Variants in CSGALNACT1 observed in about 807,000 individuals in gnomAD.
The protein encoded by CSGALNACT1 is beta4GalNAcT-1.
CSGALNACT1 carries 52 observed loss-of-function variants against 51.0 expected under a neutral mutation model. The ratio of observed to expected loss-of-function variants is 1.02; its 90% CI spans 0.82 to 1.29. CSGALNACT1 has a LOEUF of 1.29. Ranked by LOEUF, CSGALNACT1 falls within the 50% of genes most tolerant of loss-of-function variation. The probability of loss-of-function intolerance (pLI) is 0.00; values close to 1 mark genes in which losing one functional copy is unlikely to be tolerated. For synonymous variants in CSGALNACT1, 341 were observed against 254.4 expected, an observed-to-expected ratio of 1.34 and a Z score of -3.24; for missense variants, 935 against 679.2, an observed-to-expected ratio of 1.38 and a Z score of -4.19.
At chr8:19,520,963 C>T (rs951037224) in intron 3 of CSGALNACT1, among the ~76,000 whole-genome samples, 4 of 152,174 alleles carry the variant, frequency 2.6e-5, no homozygotes, top group African/African-American at 2.4e-5. Flanking sequence ...GAGGTGCTTT[C>T]GCAGATGTGT....
chr8:19,517,479 G>A (rs190015274), intron 3 of CSGALNACT1, among the ~76,000 whole-genome samples: 1 of 152,192 alleles, frequency 6.6e-6, no homozygotes, highest in South Asian at 2.1e-4. Context: ...ATCTCTAGAA[G>A]GGTTAAAGTG....
intron 1 of CSGALNACT1, among the ~76,000 whole-genome samples, chr8:19,714,827 C>T (rs867602195): frequency 6.6e-5 from 10 of 151,286 alleles, no homozygotes; most frequent in South Asian, 4.2e-4. Flanking sequence ...GGGTAAATTG[C>T]ATGTTGCAGG....
chr8:19,525,720 C>G (rs143351977), intron 3 of CSGALNACT1, among the ~76,000 whole-genome samples: 128 of 140,918 alleles, frequency 9.1e-4, no homozygotes, highest in African/African-American at 3.3e-3. Context: ...CAAGTGACAA[C>G]AGAGAGAAAG....
intron 1 of CSGALNACT1, among the ~76,000 whole-genome samples, chr8:19,649,819 C>CAAAAAAAAAACAAAAAAAAAA (rs2057623244): frequency 3.4e-5 from 1 of 29,398 alleles, no homozygotes; most frequent in Non-Finnish European, 5.8e-5. Context: ...TTCCAAGTAG[C>CAAAAAAAAAACAAAAAAAAAA]AAAAAAAAAA....
intron 1 of CSGALNACT1, among the ~76,000 whole-genome samples, chr8:19,746,621 G>T (rs764657053): frequency 2.0e-5 from 3 of 152,132 alleles, no homozygotes; most frequent in Non-Finnish European, 4.4e-5. Flanking sequence ...TAGATCAAAT[G>T]ATCTCAGAGA....
At chr8:19,594,369 A>T (rs1252709259) in intron 2 of CSGALNACT1, among the ~76,000 whole-genome samples, 1 of 152,212 alleles carries the variant, frequency 6.6e-6, no homozygotes, top group Non-Finnish European at 1.5e-5. Context: ...AATATGTGTA[A>T]TCCGGCACTC....
chr8:19,570,657 T>G (rs935456351), intron 3 of CSGALNACT1, among the ~76,000 whole-genome samples: 11 of 152,122 alleles, frequency 7.2e-5, no homozygotes, highest in Non-Finnish European at 8.8e-5. Flanking sequence ...ATGCCAGCAC[T>G]TTGGGAGGCC....
intron 3 of CSGALNACT1, among the ~76,000 whole-genome samples, chr8:19,576,546 C>G (rs1400187604): frequency 6.6e-6 from 1 of 151,966 alleles, no homozygotes; most frequent in Non-Finnish European, 1.5e-5. Context: ...TTGCTGTCAC[C>G]TTCTCGGTGG....
chr8:19,747,672 T>C (rs1208329670), intron 1 of CSGALNACT1, among the ~76,000 whole-genome samples: 1 of 152,210 alleles, frequency 6.6e-6, no homozygotes, highest in African/African-American at 2.4e-5. Flanking sequence ...ACAAATTTCA[T>C]TGCTTTGCAT....
intron 3 of CSGALNACT1, among the ~76,000 whole-genome samples, chr8:19,544,403 C>G (rs917080705): frequency 6.6e-6 from 1 of 152,174 alleles, no homozygotes; most frequent in South Asian, 2.1e-4. Flanking sequence ...AAATACTGAA[C>G]ATACTAAACA....
chr8:19,581,097 AAGG>A (rs1178674713), intron 3 of CSGALNACT1, among the ~76,000 whole-genome samples: 23 of 152,254 alleles, frequency 1.5e-4, no homozygotes, highest in Admixed American at 1.5e-3. Flanking sequence ...AGATAGCTAC[AAGG>A]AGTTTTCCAA....
At chr8:19,698,693 G>A (rs1230307289) in intron 1 of CSGALNACT1, among the ~76,000 whole-genome samples, 1 of 152,170 alleles carries the variant, frequency 6.6e-6, no homozygotes, top group Non-Finnish European at 1.5e-5. Context: ...AAGATGTGGA[G>A]AAATTGGAAT....
chr8:19,444,610 T>A lies in CSGALNACT1; in HGVS notation c.852-4679A>T, dbSNP rs542932933. On this transcript the variant is annotated intron_variant, in intron 5 of 9. Coordinates refer to ENST00000454498, the Ensembl canonical transcript of CSGALNACT1. ...CCAAGCAATAATCCACATCATAATTTCTAAAGATCCTTGAGCTCTAAATGC... is the reference window on the plus strand; with the variant it reads ...CCAAGCAATAATCCACATCATAATTACTAAAGATCCTTGAGCTCTAAATGC... 1.1e-3 allele frequency among the ~76,000 whole-genome samples: 167 copies of A among 152,360 alleles called. No individual in the cohort carries two copies. In the South Asian group the frequency reaches 0.016, roughly 15 times the overall value.
At position 19,656,752 on chromosome 8, in the gene CSGALNACT1, A is replaced by T. The variant is rs1333576435; in HGVS notation, c.-544+25721T>A. 2.0e-5 allele frequency among the ~76,000 whole-genome samples: 3 copies of T among 152,230 alleles called. No homozygotes were observed. In the East Asian group the frequency reaches 5.8e-4, roughly 29 times the overall value. On this transcript the variant is annotated intron_variant, in intron 1 of 9. Coordinates refer to the CSGALNACT1 transcript ENST00000332246. ...TTAAAAATAAGCAGCTTTTAAAAAT[A>T]GCTAAATAGAACTTTTAGAAATCAA... is the stretch of plus-strand genomic sequence containing the variant.
In CSGALNACT1 at chr8:19,492,699, C is replaced by T. The variant is rs561163236; in HGVS notation, c.634+12502G>A. ...GTCTTGCTGGTCCACGCCACTGGCC[C>T]GTAGCCACCAGCCTAGCAATGGCAT... On this transcript the variant is annotated intron_variant, in intron 4 of 9. Transcript: ENST00000454498. Among the ~76,000 whole-genome samples the T allele has an allele frequency of 9.0e-4, 137 of 152,284 alleles. 1 individual carries two copies. The highest frequency in any genetic ancestry group is 2.0e-3 in the Admixed American group (30 of 15,294).
At chr8:19,692,787 T>C (rs17090735) in intron 1 of CSGALNACT1, among the ~76,000 whole-genome samples, 20,619 of 152,108 alleles carry the variant, frequency 0.14, 1,640 homozygotes, top group Middle Eastern at 0.24. Flanking sequence ...CACGTGGCAA[T>C]AGAAATCTAA....
intron 1 of CSGALNACT1, among the ~76,000 whole-genome samples, chr8:19,724,302 T>G (rs1465689470): frequency 6.6e-6 from 1 of 152,210 alleles, no homozygotes; most frequent in East Asian, 1.9e-4. Context: ...GCATTCCCTC[T>G]GGAGGCTCTA....
intron 1 of CSGALNACT1, among the ~76,000 whole-genome samples, chr8:19,667,323 T>A (rs900388853): frequency 2.0e-5 from 3 of 151,392 alleles, no homozygotes; most frequent in Non-Finnish European, 4.4e-5. Flanking sequence ...TCATTCCAGC[T>A]ACTCAGGAGG....
At chr8:19,430,996 T>C (rs971257537) in intron 6 of CSGALNACT1, among the ~76,000 whole-genome samples, 7 of 152,182 alleles carry the variant, frequency 4.6e-5, no homozygotes, top group African/African-American at 1.7e-4. Context: ...TGCTCGTGTA[T>C]AGAAATACAA....
Sources: gnomAD v4.1 joint callset for allele counts (sites outside exome capture counted in the v4.1 genomes callset) on GRCh38, gnomAD v4.1.1 for gene constraint, MANE v1.5 for transcripts, NCBI Gene and HGNC (gene_info 2026-07-23, HGNC 2026-07-21) for gene names.